Variants in LRRC37A2 observed in about 807,000 individuals in gnomAD.
LRRC37A2 encodes leucine rich repeat containing 37 member A2.
In LRRC37A2, 9 loss-of-function variants were observed where a neutral mutation model predicts 68.8. The observed-to-expected ratio is 0.13, with a 90% CI of 0.08 to 0.23. The LOEUF is 0.23. LRRC37A2 is among the 10% of genes least tolerant of loss of function. LRRC37A2 has a pLI of 1.00. For synonymous variants in LRRC37A2, 63 were observed against 367.6 expected, an observed-to-expected ratio of 0.17 and a Z score of 9.48; for missense variants, 168 against 950.4, an observed-to-expected ratio of 0.18 and a Z score of 10.82.
the LRRC37A2 span, among the ~76,000 whole-genome samples, chr17:46,492,392 G>C: frequency 6.6e-6 from 1 of 150,906 alleles, no homozygotes; most frequent in Non-Finnish European, 1.5e-5. Context: ...CTTTATATGA[G>C]TGTATCACAG....
At chr17:47,033,564 T>C in the LRRC37A2 span, among the ~76,000 whole-genome samples, 3 of 152,238 alleles carry the variant, frequency 2.0e-5, no homozygotes, top group Non-Finnish European at 2.9e-5. Flanking sequence ...TAAATTTATT[T>C]TCACGGCCTG....
At chr17:46,934,166 C>T in the LRRC37A2 span, among the ~76,000 whole-genome samples, 1 of 143,354 alleles carries the variant, frequency 7.0e-6, no homozygotes, top group Non-Finnish European at 1.5e-5. Flanking sequence ...CCCAGCTCCA[C>T]TGGACTTCCA....
the LRRC37A2 span, among the ~76,000 whole-genome samples, chr17:47,014,499 C>A: frequency 0.014 from 2,116 of 151,794 alleles, 33 homozygotes; most frequent in African/African-American, 0.049. Context: ...TAATTTGTTT[C>A]ATTCTCAGGA....
chr17:47,000,608 C>T, the LRRC37A2 span, among the ~76,000 whole-genome samples: 1 of 152,114 alleles, frequency 6.6e-6, no homozygotes, highest in Non-Finnish European at 1.5e-5. Flanking sequence ...CTCTACTCCT[C>T]AATTGAACCT....
At chr17:46,874,766 C>T in the LRRC37A2 span, among the ~76,000 whole-genome samples, 50 of 152,058 alleles carry the variant, frequency 3.3e-4, no homozygotes, top group East Asian at 8.2e-3. Flanking sequence ...TTAGTAGAGA[C>T]GGGGTTTCAC....
the LRRC37A2 span, among the ~76,000 whole-genome samples, chr17:46,775,078 G>A: frequency 6.6e-6 from 1 of 152,220 alleles, no homozygotes; most frequent in African/African-American, 2.4e-5. Flanking sequence ...GGCAGGGTGA[G>A]GTTTTTTGTG....
At chr17:46,815,321 G>A in the LRRC37A2 span, among the ~76,000 whole-genome samples, 1 of 152,230 alleles carries the variant, frequency 6.6e-6, no homozygotes, top group Non-Finnish European at 1.5e-5. Flanking sequence ...AGGGGTGTCA[G>A]TCTGAGGCCC....
the LRRC37A2 span, among the ~76,000 whole-genome samples, chr17:47,001,888 A>G: frequency 1.3e-5 from 2 of 151,632 alleles, no homozygotes; most frequent in Non-Finnish European, 2.9e-5. Flanking sequence ...CGCCCAGCTA[A>G]TTTGTGTATT....
chr17:46,525,684 G>T (rs2052645654), intron 6 of LRRC37A2, among the ~76,000 whole-genome samples: 1 of 118,602 alleles, frequency 8.4e-6, no homozygotes, highest in South Asian at 3.7e-4. Flanking sequence ...GCAACACCAG[G>T]AAAACACTGG....
At chr17:46,802,096 C>T in the LRRC37A2 span, among the ~76,000 whole-genome samples, 1 of 152,146 alleles carries the variant, frequency 6.6e-6, no homozygotes, top group Non-Finnish European at 1.5e-5. Flanking sequence ...TATATTTGGT[C>T]TTCGACCTAG....
the LRRC37A2 span, among the ~76,000 whole-genome samples, chr17:46,839,201 C>T: frequency 5.2e-3 from 793 of 152,256 alleles, 12 homozygotes; most frequent in African/African-American, 0.018. Flanking sequence ...AAGTGAATTT[C>T]CAAGAGTTTC....
the LRRC37A2 span, among the ~76,000 whole-genome samples, chr17:46,869,360 G>A: frequency 1.3e-5 from 2 of 152,208 alleles, no homozygotes; most frequent in African/African-American, 4.8e-5. Flanking sequence ...GCAGAGCTGG[G>A]CACCGTTTGA....
At chr17:46,598,471 T>C in the LRRC37A2 span, among the ~76,000 whole-genome samples, 3 of 152,102 alleles carry the variant, frequency 2.0e-5, no homozygotes, top group East Asian at 1.9e-4. Flanking sequence ...CATACTTTAG[T>C]GCAAATAAAG....
exon 11 of LRRC37A2, chr17:46,550,495 G>C (rs1242912661): frequency 1.3e-6 from 1 of 780,072 alleles, no homozygotes; most frequent in African/African-American, 2.4e-5. Flanking sequence ...TAACGATTTT[G>C]ATTATACTTT....
intron 8 of LRRC37A2, among the ~76,000 whole-genome samples, chr17:46,544,076 C>T (rs2055917836): frequency 8.1e-6 from 1 of 124,010 alleles, no homozygotes; most frequent in Non-Finnish European, 1.6e-5. Context: ...AAGATTGCAC[C>T]ACTGCACTCA....
the LRRC37A2 span, among the ~76,000 whole-genome samples, chr17:46,908,885 C>A: frequency 6.6e-6 from 1 of 152,178 alleles, no homozygotes; most frequent in Non-Finnish European, 1.5e-5. Flanking sequence ...AATGGAGGAG[C>A]TATTCAGTCT....
the LRRC37A2 span, among the ~76,000 whole-genome samples, chr17:46,996,446 A>G: frequency 1.3e-5 from 2 of 152,194 alleles, no homozygotes; most frequent in South Asian, 4.1e-4. Flanking sequence ...GACCTGGGTT[A>G]TGTGTCCAAG....
At chr17:46,965,211 C>T in the LRRC37A2 span, among the ~76,000 whole-genome samples, 2 of 152,232 alleles carry the variant, frequency 1.3e-5, no homozygotes, top group African/African-American at 4.8e-5. Flanking sequence ...GGGGGCAGCT[C>T]TGCCTTCTCA....
the LRRC37A2 span, among the ~76,000 whole-genome samples, chr17:46,603,587 C>T: frequency 8.7e-6 from 1 of 114,614 alleles, no homozygotes; most frequent in South Asian, 3.8e-4. Context: ...CCATTAATAC[C>T]TTCATCTATA....
Sources: gnomAD v4.1 joint callset for allele counts (sites outside exome capture counted in the v4.1 genomes callset) on GRCh38, gnomAD v4.1.1 for gene constraint, MANE v1.5 for transcripts, NCBI Gene and HGNC (gene_info 2026-07-23, HGNC 2026-07-21) for gene names.